MAPK12: variants seen among roughly 807,000 people sequenced by gnomAD.
MAPK12 encodes the protein mitogen-activated protein kinase 12.
Under a neutral mutation model 49.1 loss-of-function variants are expected in MAPK12, and 49 were observed. The ratio of observed to expected loss-of-function variants is 1.00; its 90% CI spans 0.79 to 1.27. The LOEUF is 1.27. Ranked by LOEUF, MAPK12 falls within the 50% of genes most tolerant of loss-of-function variation. The pLI, the probability that MAPK12 is intolerant of heterozygous loss-of-function variation, is 0.00. For missense variants in MAPK12, 554 were observed against 502.4 expected (o/e 1.10, Z -0.98); for synonymous variants, 251 against 209.7 (o/e 1.20, Z -1.70).
chr22:50,255,444 C>T lies in MAPK12; in HGVS notation c.850+9G>A. The stretch of plus-strand genomic sequence containing the variant: ...AGCACCCGGTGGCCCCCACACTAGC[C>T]AGCCGTACCCAGAGGGCTTGCATTG... On this transcript the variant is annotated intron_variant, in intron 10 of 11. Coordinates refer to ENST00000215659, the MANE Select transcript of MAPK12 (RefSeq NM_002969.6). 6.2e-7 allele frequency: 1 copy of T among 1,613,104 alleles called. No homozygotes were observed. Among genetic ancestry groups the T allele is most frequent in the Non-Finnish European group, 8.5e-7 (1 of 1,180,014 alleles).
intron 2 of MAPK12, among the ~76,000 whole-genome samples, chr22:50,260,587 C>T (rs28468670): frequency 6.6e-6 from 1 of 152,134 alleles, no homozygotes; most frequent in African/African-American, 2.4e-5. Context: ...GTCTGTGAGG[C>T]GGCCACCACG....
In MAPK12 at chr22:50,256,965, C is replaced by T; in HGVS notation, c.427-1G>A. 1 of 1,606,718 alleles carries T rather than the reference C, an allele frequency of 6.2e-7. No homozygotes were observed. Among genetic ancestry groups the T allele is most frequent in the Non-Finnish European group, 8.5e-7 (1 of 1,178,230 alleles). The stretch of plus-strand genomic sequence containing the variant: ...GGATGATGCCGGCAGCGTGGATATA[C>T]TGCGGGGGGCAGAGGATTTGGCAGG... On this transcript the variant is annotated splice_acceptor_variant, in intron 4 of 11. Transcript: ENST00000215659. LOFTEE classifies it high-confidence loss of function.
rs1233455662 is a variant in MAPK12, at chr22:50,256,173, C to T, written c.531G>A (p.Gln177=). The T allele has an allele frequency of 1.2e-6, 2 of 1,612,742 alleles. No homozygotes were observed. The highest frequency in any genetic ancestry group is 1.7e-5 in the Admixed American group (1 of 60,004). The change falls in exon 7 of 12, where the codon CAG becomes CAA. Residue 177 remains glutamine, a synonymous_variant. Transcript: ENST00000215659. ...LKILDFGLAR[Q]ADSEMTGYVV... Reference sequence around the variant, plus strand: ...CGTACCCAGTCATCTCACTGTCTGCCTGCCTGGCCAGGCCGAAGTCCAGGA... The same window carrying T: ...CGTACCCAGTCATCTCACTGTCTGCTTGCCTGGCCAGGCCGAAGTCCAGGA...
chr22:50,258,233 C>T lies in MAPK12; in HGVS notation c.314+10G>A, dbSNP rs73187284. The T allele has an allele frequency of 0.34, 550,392 of 1,611,898 alleles. 97,270 individuals are homozygous for T. Among genetic ancestry groups the T allele is most frequent in the South Asian group, 0.41 (37,157 of 91,048 alleles). The stretch of plus-strand genomic sequence containing the variant: ...CTCGTGCCCAGCGGCCAGCCCAGGT[C>T]GGCACTCACAAGTCCGTGAAGTCAT... On this transcript the variant is annotated intron_variant, in intron 3 of 11. Coordinates refer to ENST00000215659, the MANE Select transcript of MAPK12 (RefSeq NM_002969.6).
rs1337552675 is a variant in MAPK12, at chr22:50,255,872, C to A, written c.629G>T (p.Trp210Leu). 1.9e-6 allele frequency: 3 copies of A among 1,612,642 alleles called. No homozygotes were observed. The highest frequency in any genetic ancestry group is 2.5e-6 in the Non-Finnish European group (3 of 1,179,922). The stretch of plus-strand genomic sequence containing the variant: ...CTCCGCCATGATGCAGCCCACAGAC[C>A]AGATGTCCACTGAGATAGAAGCCCT... ...WMRYTQTVDI[W>L]SVGCIMAEMI... Residue 210 changes from tryptophan to leucine, a missense_variant, in exon 8 of 12, where the codon TGG (tryptophan) becomes TTG (leucine). By Grantham distance (61) the Trp-to-Leu change is moderately conservative. Transcript: ENST00000215659.
intron 11 of MAPK12, chr22:50,254,771 A>G (rs2065131215): frequency 2.7e-6 from 3 of 1,121,786 alleles, no homozygotes; most frequent in East Asian, 6.7e-5. Flanking sequence ...TGGCCTGGAC[A>G]TGGCGGAAGG....
chr22:50,253,502 G>GGGGTGA, intron 11 of MAPK12, 22 bp from the exon 12 acceptor site: 1 of 171,686 alleles, frequency 5.8e-6, no homozygotes, highest in Non-Finnish European at 1.1e-5. Context: ...GGGGGGGCGG[G>GGGGTGA]CACAACAGAG....
Position 50,261,189 on chromosome 22 carries a change from A to AGCAGGCGCAGCTCGCG in MAPK12, c.217_232dup (p.Leu78ProfsTer24). The AGCAGGCGCAGCTCGCG allele has an allele frequency of 6.3e-7, 1 of 1,592,376 alleles. No homozygotes were observed. Among genetic ancestry groups the AGCAGGCGCAGCTCGCG allele is most frequent in the Non-Finnish European group, 8.5e-7 (1 of 1,170,502 alleles). ...CACGTTCTCGTGGCGCATGTGCTTGAGCAGGCGCAGCTCGCGGTAGGCGCG... is the reference window on the plus strand; with the variant it reads ...CACGTTCTCGTGGCGCATGTGCTTGAGCAGGCGCAGCTCGCGGCAGGCGCAGCTCGCGGTAGGCGCG... On this transcript the variant is annotated frameshift_variant, in exon 2 of 12. Coordinates refer to ENST00000215659, the MANE Select transcript of MAPK12 (RefSeq NM_002969.6). LOFTEE classifies it high-confidence loss of function.
intron 3 of MAPK12, 153 bp downstream of exon 3, chr22:50,258,090 G>A: frequency 2.6e-6 from 2 of 754,780 alleles, no homozygotes; most frequent in South Asian, 1.5e-5. Flanking sequence ...GGAGGGCGTG[G>A]GGTGGACAGT....
In MAPK12 at chr22:50,261,664, C is replaced by T. The variant is rs1171636688; in HGVS notation, c.-155G>A. ...CCGCTGGGGCGCTCCCGCTCCCGGC[C>T]CTTCCCTCAGGGATGTCCCAGGTGC... On this transcript the variant is annotated 5_prime_UTR_variant, in exon 1 of 12. Transcript: ENST00000215659. 3.9e-5 allele frequency: 33 copies of T among 853,300 alleles called. No individual in the cohort carries two copies. The highest frequency in any genetic ancestry group is 4.7e-5 in the Non-Finnish European group (33 of 708,168). 52.9% of individuals were successfully genotyped at this position (853,300 alleles called of 1,614,324 possible).
intron 11 of MAPK12, chr22:50,254,984 C>T: frequency 6.9e-7 from 1 of 1,446,688 alleles, no homozygotes; most frequent in Non-Finnish European, 9.1e-7. Context: ...CCATCCTCCT[C>T]ACCTGACCTG....
chr22:50,258,149 A>G, intron 3 of MAPK12, 94 bp downstream of exon 3: 1 of 1,189,932 alleles, frequency 8.4e-7, no homozygotes, highest in African/African-American at 1.5e-5. Context: ...AGGCTGCAGG[A>G]AGAGAACCCC....
At chr22:50,257,672 G>A (rs2065164317) in intron 3 of MAPK12, 1 of 593,974 alleles carries the variant, frequency 1.7e-6, no homozygotes, top group Non-Finnish European at 3.0e-6. Flanking sequence ...TGGGCCGGTG[G>A]AGACAGACAC....
In MAPK12 at chr22:50,255,860, C is replaced by T. The variant is rs374984773; in HGVS notation, c.641G>A (p.Cys214Tyr). The T allele has an allele frequency of 2.5e-6, 4 of 1,612,634 alleles. No individual in the cohort carries two copies. Among genetic ancestry groups the T allele is most frequent in the African/African-American group, 2.7e-5 (2 of 74,930 alleles). The change falls in exon 8 of 12, where the codon TGC becomes TAC. Residue 214 changes from cysteine (C) to tyrosine (Y), a missense_variant. Physicochemically the swap from Cys to Tyr is radical, Grantham distance 194. Transcript: ENST00000215659. ...GCCTGTGATCATCTCCGCCATGATG[C>T]AGCCCACAGACCAGATGTCCACTGA... is the stretch of plus-strand genomic sequence containing the variant. ...TQTVDIWSVGCIMAEMITGKT... is the reference protein window; with the variant it reads ...TQTVDIWSVGYIMAEMITGKT...
chr22:50,253,290 G>C lies in MAPK12; in HGVS notation c.*111C>G. ...TCCATGGAACCCGGGCGTCTGCTCTGATGGATGCCTTGGGATGCAAGCCCC... is the reference window on the plus strand; with the variant it reads ...TCCATGGAACCCGGGCGTCTGCTCTCATGGATGCCTTGGGATGCAAGCCCC... On this transcript the variant is annotated 3_prime_UTR_variant, in exon 12 of 12. Transcript: ENST00000215659. 1.2e-6 allele frequency: 1 copy of C among 811,536 alleles called. No individual in the cohort carries two copies. 50.3% of individuals were successfully genotyped at this position (811,536 alleles called of 1,614,324 possible).
chr22:50,254,630 C>A, intron 11 of MAPK12: 1 of 1,002,298 alleles, frequency 1.0e-6, no homozygotes, highest in Non-Finnish European at 1.2e-6. Flanking sequence ...CCAGCCTGGG[C>A]ATCAGAGTGA....
intron 2 of MAPK12, among the ~76,000 whole-genome samples, chr22:50,260,497 G>A (rs1483278260): frequency 6.6e-6 from 1 of 152,140 alleles, no homozygotes; most frequent in East Asian, 1.9e-4. Flanking sequence ...CCACCGCCAT[G>A]GGAGAGGCCC....
intron 7 of MAPK12, 56 bp downstream of exon 7, chr22:50,256,029 A>C: frequency 6.5e-7 from 1 of 1,547,628 alleles, no homozygotes; most frequent in East Asian, 2.3e-5. Context: ...TCCGTGAAGA[A>C]GTGGAGAAGC....
At chr22:50,261,146 G>T in intron 2 of MAPK12, 21 bp downstream of exon 2, 1 of 1,566,766 alleles carries the variant, frequency 6.4e-7, no homozygotes, top group South Asian at 1.2e-5. Context: ...CGCCTTCCCG[G>T]AGCGGGGCCG....
Sources: allele counts gnomAD v4.1 joint callset (sites outside exome capture counted in the v4.1 genomes callset), GRCh38; gene constraint gnomAD v4.1.1; transcripts MANE v1.5; gene names NCBI Gene and HGNC (gene_info 2026-07-23, HGNC 2026-07-21).